The following ANO4 variants were observed in gnomAD, a reference collection of about 807,000 sequenced individuals.
The protein encoded by ANO4 is anoctamin 4.
Under a neutral mutation model 141.9 loss-of-function variants are expected in ANO4, and 69 were observed. That is an observed-to-expected ratio of 0.49 (90% CI 0.40 to 0.59). The LOEUF is 0.59. Ranked by LOEUF, ANO4 falls within the 20% of genes least tolerant of loss-of-function variation. The pLI is 0.00. For synonymous variants in ANO4, 350 were observed against 394.3 expected (o/e 0.89, Z 1.33); for missense variants, 894 against 1,162.2 (o/e 0.77, Z 3.36).
intron 14 of ANO4, among the ~76,000 whole-genome samples, chr12:101,076,735 G>T (rs2049040370): frequency 1.3e-5 from 2 of 152,128 alleles, no homozygotes; most frequent in African/African-American, 4.8e-5. Context: ...GTACCTTTGT[G>T]ATTTTTATGG....
intron 8 of ANO4, among the ~76,000 whole-genome samples, chr12:101,000,649 T>C (rs1435266591): frequency 6.6e-6 from 1 of 152,212 alleles, no homozygotes; most frequent in African/African-American, 2.4e-5. Context: ...GGGAAACATA[T>C]CTATGTTCTG....
chr12:101,066,641 A>T (rs1593176133), intron 14 of ANO4: 2 of 579,746 alleles, frequency 3.4e-6, no homozygotes, highest in East Asian at 5.7e-5. Context: ...GAGAGTATCC[A>T]TGGCTTTGCG....
chr12:100,761,194 A>G (rs368041719), intron 3 of ANO4, among the ~76,000 whole-genome samples: 1 of 152,024 alleles, frequency 6.6e-6, no homozygotes, highest in East Asian at 1.9e-4. Context: ...TCAGTGGTGG[A>G]GGAAGGAAGG....
intron 8 of ANO4, among the ~76,000 whole-genome samples, chr12:100,993,245 GTATT>G (rs2045219930): frequency 6.6e-6 from 1 of 152,122 alleles, no homozygotes; most frequent in African/African-American, 2.4e-5. Flanking sequence ...AAATATATCT[GTATT>G]TAAGGAGGAA....
At chr12:100,873,220 C>T (rs188101488) in intron 1 of ANO4, among the ~76,000 whole-genome samples, 163 of 152,214 alleles carry the variant, frequency 1.1e-3, no homozygotes, top group Admixed American at 2.6e-3. Context: ...CAAATTGGTA[C>T]TGGGAGTGGG....
At chr12:100,872,698 T>TA (rs2039092357) in intron 1 of ANO4, among the ~76,000 whole-genome samples, 1 of 152,206 alleles carries the variant, frequency 6.6e-6, no homozygotes, top group South Asian at 2.1e-4. Flanking sequence ...TATAATTTTG[T>TA]AAAAATGGGA....
At chr12:100,884,549 A>C (rs534236342) in intron 1 of ANO4, among the ~76,000 whole-genome samples, 4 of 152,314 alleles carry the variant, frequency 2.6e-5, no homozygotes, top group African/African-American at 9.6e-5. Flanking sequence ...ACAAATTACC[A>C]CACACTCAGT....
At chr12:100,874,799 C>T (rs575103672) in intron 1 of ANO4, among the ~76,000 whole-genome samples, 9 of 152,098 alleles carry the variant, frequency 5.9e-5, no homozygotes, top group Non-Finnish European at 8.8e-5. Flanking sequence ...GGATTCCATG[C>T]GTGAGCCACC....
chr12:100,724,001 G>C (rs188826554), intron 1 of ANO4, among the ~76,000 whole-genome samples: 1 of 142,446 alleles, frequency 7.0e-6, no homozygotes, highest in Admixed American at 7.2e-5. Flanking sequence ...TGTAGGTTCA[G>C]GAAGCAAAAC....
intron 3 of ANO4, among the ~76,000 whole-genome samples, chr12:100,931,449 C>T (rs1031676469): frequency 6.6e-6 from 1 of 152,112 alleles, no homozygotes; most frequent in Non-Finnish European, 1.5e-5. Context: ...CCCACAAAAA[C>T]AAAAGCCAGC....
intron 1 of ANO4, among the ~76,000 whole-genome samples, chr12:100,872,141 A>G (rs1264921867): frequency 2.0e-5 from 3 of 152,210 alleles, no homozygotes; most frequent in Non-Finnish European, 4.4e-5. Flanking sequence ...TCATTCATTC[A>G]TTCATTCAAC....
chr12:101,121,318 A>G (rs537774983), intron 26 of ANO4, among the ~76,000 whole-genome samples: 1 of 152,274 alleles, frequency 6.6e-6, no homozygotes, highest in South Asian at 2.1e-4. Context: ...AGTACGTACA[A>G]TAAGAACTTG....
intron 5 of ANO4, among the ~76,000 whole-genome samples, chr12:100,954,997 C>A (rs1394594479): frequency 6.6e-6 from 1 of 152,156 alleles, no homozygotes; most frequent in Non-Finnish European, 1.5e-5. Flanking sequence ...TTCCTTCCAC[C>A]ATAACTGCCC....
At chr12:101,097,991 T>G in intron 21 of ANO4, 46 bp downstream of exon 21, 1 of 1,557,506 alleles carries the variant, frequency 6.4e-7, no homozygotes, top group Non-Finnish European at 8.8e-7. Flanking sequence ...TTGCTCATTA[T>G]TGGCTTTTCT....
At chr12:101,069,396 G>A (rs896902548) in intron 14 of ANO4, among the ~76,000 whole-genome samples, 2 of 152,162 alleles carry the variant, frequency 1.3e-5, no homozygotes, top group South Asian at 2.1e-4. Flanking sequence ...AACCATGTTG[G>A]TTTAAAAATA....
chr12:101,080,583 A>G (rs978738103), intron 15 of ANO4, among the ~76,000 whole-genome samples: 1 of 152,058 alleles, frequency 6.6e-6, no homozygotes, highest in Non-Finnish European at 1.5e-5. Flanking sequence ...AGGATAGCTT[A>G]TAGATGGCCA....
intron 7 of ANO4, among the ~76,000 whole-genome samples, chr12:100,977,737 T>A (rs909326595): frequency 6.6e-6 from 1 of 152,184 alleles, no homozygotes; most frequent in African/African-American, 2.4e-5. Context: ...CAAACTCTCT[T>A]CTATTCATCT....
intron 1 of ANO4, among the ~76,000 whole-genome samples, chr12:100,869,257 G>T (rs945014786): frequency 6.6e-6 from 1 of 152,186 alleles, no homozygotes. Flanking sequence ...CTGGTGTGAG[G>T]TTCTATAAAT....
chr12:100,770,851 G>A (rs967269356), intron 3 of ANO4, among the ~76,000 whole-genome samples: 1 of 149,242 alleles, frequency 6.7e-6, no homozygotes, highest in African/African-American at 2.5e-5. Context: ...TCTTATAAAG[G>A]GGCAGGGACT....
Sources: allele counts gnomAD v4.1 joint callset (sites outside exome capture counted in the v4.1 genomes callset), GRCh38; gene constraint gnomAD v4.1.1; transcripts MANE v1.5; gene names NCBI Gene and HGNC (gene_info 2026-07-23, HGNC 2026-07-21).